RNF144A: variants seen among roughly 807,000 people sequenced by gnomAD.
The protein encoded by RNF144A is E3 ubiquitin-protein ligase RNF144A.
A neutral mutation model predicts 38.7 loss-of-function variants in RNF144A; 11 were observed. The ratio of observed to expected loss-of-function variants is 0.28; its 90% confidence interval spans 0.18 to 0.47. The LOEUF (loss-of-function observed/expected upper bound fraction) is 0.47, where lower values mean the gene tolerates loss of function less well. Among genes scored for constraint, RNF144A ranks in the 20% least tolerant of loss-of-function variants. RNF144A has a pLI of 0.99. For synonymous variants in RNF144A, 149 were observed against 143.9 expected (o/e 1.04, Z -0.25); for missense variants, 316 against 377.2 (o/e 0.84, Z 1.34).
chr2:7,041,640 C>T lies in RNF144A; in HGVS notation c.*1880C>T, dbSNP rs1021495862. The T allele has an allele frequency of 1.1e-5, 11 of 985,554 alleles. No individual in the cohort carries two copies. The African/African-American group carries it at 1.7e-4, about 16-fold the overall frequency. 61.1% of individuals were successfully genotyped at this position (985,554 alleles called of 1,614,324 possible). On this transcript the variant is annotated 3_prime_UTR_variant, in exon 9 of 9. Coordinates refer to ENST00000320892, the MANE Select transcript of RNF144A (RefSeq NM_014746.6). The stretch of plus-strand genomic sequence containing the variant: ...CATTGGCTGGGCTTGAGCCCTCAGC[C>T]TGTGATATGTGGATGCAGCTGTCCA...
intron 2 of RNF144A, among the ~76,000 whole-genome samples, chr2:6,973,471 C>T (rs928643915): frequency 3.9e-5 from 6 of 152,146 alleles, no homozygotes; most frequent in Non-Finnish European, 7.3e-5. Flanking sequence ...GAAGGTGGCC[C>T]GGGTAGCAGG....
chr2:7,045,615 A>G (rs1490219494), downstream of RNF144A, among the ~76,000 whole-genome samples: 1 of 152,106 alleles, frequency 6.6e-6, no homozygotes, highest in Non-Finnish European at 1.5e-5. Flanking sequence ...CCTCATCTTC[A>G]CTCGATCATC....
Position 7,030,186 on chromosome 2 carries a change from C to T in RNF144A, c.718C>T (p.Arg240Trp), listed in dbSNP as rs758820373. ...GPCRNKLGHSRASVIWHRTQV... is the reference protein window; with the variant it reads ...GPCRNKLGHSWASVIWHRTQV... ...CTGCCGGAACAAGCTGGGCCACTCC[C>T]GGGCATCTGTGATCTGGCATCGGAC... Residue 240 changes from arginine (R) to tryptophan (W), a missense_variant, in exon 8 of 9, where the codon CGG (arginine) becomes TGG (tryptophan). By Grantham distance (101) the Arg-to-Trp change is moderately radical (BLOSUM62 -3). Transcript: ENST00000320892. The T allele has an allele frequency of 8.1e-6, 13 of 1,613,802 alleles. No homozygotes were observed. The highest frequency in any genetic ancestry group is 1.1e-5 in the South Asian group (1 of 91,072).
intron 3 of RNF144A, among the ~76,000 whole-genome samples, chr2:6,997,872 C>A (rs1414903793): frequency 6.6e-6 from 1 of 152,122 alleles, no homozygotes; most frequent in East Asian, 1.9e-4. Context: ...TAATGTACAG[C>A]ATGATAATTA....
chr2:6,931,012 A>G (rs1363353105), intron 1 of RNF144A, among the ~76,000 whole-genome samples: 2 of 152,246 alleles, frequency 1.3e-5, no homozygotes, highest in Non-Finnish European at 2.9e-5. Context: ...GGACAAAGCC[A>G]TGCAAGCAAC....
intron 1 of RNF144A, among the ~76,000 whole-genome samples, chr2:6,932,884 G>T (rs1317817479): frequency 6.6e-6 from 1 of 152,158 alleles, no homozygotes; most frequent in African/African-American, 2.4e-5. Context: ...TTCCCCCAGA[G>T]AAGACAAGTG....
chr2:7,072,650 G>A (rs181970605), downstream of RNF144A, among the ~76,000 whole-genome samples: 9 of 152,032 alleles, frequency 5.9e-5, no homozygotes, highest in East Asian at 1.9e-4. Flanking sequence ...TACCTGTCTC[G>A]CCCCAGTTAG....
intron 2 of RNF144A, among the ~76,000 whole-genome samples, chr2:6,946,833 CT>C (rs2103307055): frequency 6.6e-6 from 1 of 152,102 alleles, no homozygotes; most frequent in African/African-American, 2.4e-5. Context: ...AGTATAGTCT[CT>C]TGATGTGTTT....
chr2:6,938,247 T>TCCTCCCCTC (rs1665724155), intron 1 of RNF144A, among the ~76,000 whole-genome samples: 1 of 29,800 alleles, frequency 3.4e-5, no homozygotes, highest in African/African-American at 1.1e-4. Flanking sequence ...TCCCCTCCCC[T>TCCTCCCCTC]CCCTTTTTTT....
intron 6 of RNF144A, among the ~76,000 whole-genome samples, chr2:7,054,308 C>T (rs1303361060): frequency 6.6e-6 from 1 of 152,236 alleles, no homozygotes; most frequent in Non-Finnish European, 1.5e-5. Context: ...CTGGACATAA[C>T]ATTCATATCA....
At chr2:6,921,485 G>A (rs771277) in intron 1 of RNF144A, among the ~76,000 whole-genome samples, 122,424 of 152,206 alleles carry the variant, frequency 0.8, 50,691 homozygotes, top group Non-Finnish European at 0.92. Flanking sequence ...CAGCACAGGC[G>A]TATGTTGCTA....
At chr2:6,982,265 T>TTGC (rs1192569028) in intron 2 of RNF144A, among the ~76,000 whole-genome samples, 5 of 152,244 alleles carry the variant, frequency 3.3e-5, no homozygotes, top group African/African-American at 4.8e-5. Context: ...CAGCTACTCG[T>TTGC]AAGTGTGTTG....
intron 2 of RNF144A, among the ~76,000 whole-genome samples, chr2:6,972,616 C>T (rs1434612393): frequency 2.0e-5 from 3 of 152,102 alleles, no homozygotes; most frequent in Admixed American, 2.0e-4. Context: ...ACCATCTTAC[C>T]TTAGAGATTT....
chr2:7,043,856 C>T lies in RNF144A; in HGVS notation c.*4096C>T. The T allele has an allele frequency of 2.0e-6, 2 of 985,592 alleles. No individual in the cohort carries two copies. The highest frequency in any genetic ancestry group is 2.4e-6 in the Non-Finnish European group (2 of 829,758). 61.1% of individuals were successfully genotyped at this position (985,592 alleles called of 1,614,324 possible). A position where few individuals can be genotyped will look rare whatever the true frequency, so the allele number is the denominator to read the frequency against. On this transcript the variant is annotated 3_prime_UTR_variant, in exon 9 of 9. Transcript: ENST00000320892. ...CACTTTACTATGGGTGTATTTTAAT[C>T]TTGTATAAAAATATGCATGAATGAG... is the stretch of plus-strand genomic sequence containing the variant.
At position 6,941,960 on chromosome 2, in the gene RNF144A, A is replaced by C. The variant is rs542632840; in HGVS notation, c.-12+813A>C. 1.9e-4 allele frequency among the ~76,000 whole-genome samples: 29 copies of C among 152,290 alleles called. No homozygotes were observed. The highest frequency in any genetic ancestry group is 6.7e-4 in the African/African-American group (28 of 41,562). On this transcript the variant is annotated intron_variant, in intron 2 of 8. Coordinates refer to ENST00000320892, the MANE Select transcript of RNF144A (RefSeq NM_014746.6). The surrounding 1 kb of genome is among the most constrained non-coding windows in gnomAD (Gnocchi z 6.5). ...TGCCTGCCATTGCAGGCTGTGGGGG[A>C]ATTCTAGGTTCATGATGGGATATCA... is the stretch of plus-strand genomic sequence containing the variant.
intron 6 of RNF144A, among the ~76,000 whole-genome samples, chr2:7,052,423 T>C (rs576037761): frequency 5.9e-5 from 9 of 152,198 alleles, no homozygotes; most frequent in Non-Finnish European, 1.2e-4. Context: ...CTGCTCACAA[T>C]GAAAATTAGT....
intron 2 of RNF144A, among the ~76,000 whole-genome samples, chr2:6,948,939 A>G (rs1257651027): frequency 6.6e-6 from 1 of 152,246 alleles, no homozygotes; most frequent in African/African-American, 2.4e-5. Context: ...GACTAGGAAC[A>G]TGACTGTGAA....
chr2:6,931,702 G>A lies in RNF144A; in HGVS notation c.-211-9246G>A, dbSNP rs376667463. On this transcript the variant is annotated intron_variant, in intron 1 of 8. Transcript: ENST00000320892. ...CCAGTGGCTCTTGTGTTATCTAGAG[G>A]TGTGCTGTTTAATCTCCAGATATTT... is the stretch of plus-strand genomic sequence containing the variant. Among the ~76,000 whole-genome samples, 68 of 152,244 alleles carry A rather than the reference G, an allele frequency of 4.5e-4. No individual in the cohort carries two copies. In the East Asian group the frequency reaches 6.2e-3, roughly 14 times the overall value.
intron 2 of RNF144A, among the ~76,000 whole-genome samples, chr2:6,979,226 G>C (rs887801493): frequency 5.3e-5 from 8 of 152,210 alleles, no homozygotes; most frequent in African/African-American, 1.9e-4. Flanking sequence ...GTGGTCTTCA[G>C]TCTTGGCCAA....
Sources: gnomAD v4.1 joint callset for allele counts (sites outside exome capture counted in the v4.1 genomes callset) on GRCh38, gnomAD v4.1.1 for gene constraint, Gnocchi (gnomAD v3.1) non-coding constraint, MANE v1.5 for transcripts, NCBI Gene and HGNC (gene_info 2026-07-23, HGNC 2026-07-21) for gene names.